The following ADAMTS19 variants were observed in gnomAD, a reference collection of about 807,000 sequenced individuals.
ADAMTS19 encodes the protein ADAM metallopeptidase with thrombospondin type 1 motif 19.
A neutral mutation model predicts 153.3 loss-of-function variants in ADAMTS19; 93 were observed. The observed-to-expected ratio is 0.61, with a 90% CI of 0.51 to 0.72. The LOEUF is 0.72. Ranked by LOEUF, ADAMTS19 falls within the 30% of genes least tolerant of loss-of-function variation. The pLI, the probability that ADAMTS19 is intolerant of heterozygous loss-of-function variation, is 0.00. For synonymous variants in ADAMTS19, 600 were observed against 556.6 expected, an observed-to-expected ratio of 1.08 and a Z score of -1.10; for missense variants, 1,482 against 1,552.1, an observed-to-expected ratio of 0.95 and a Z score of 0.76.
At chr5:129,592,931 C>T (rs1303637839) in intron 7 of ADAMTS19, among the ~76,000 whole-genome samples, 2 of 152,006 alleles carry the variant, frequency 1.3e-5, no homozygotes, top group Non-Finnish European at 2.9e-5. Flanking sequence ...ATGCACTCAT[C>T]GTTTTTGAAT....
chr5:129,675,440 T>C (rs1754510325), intron 16 of ADAMTS19, among the ~76,000 whole-genome samples: 1 of 152,164 alleles, frequency 6.6e-6, no homozygotes, highest in Non-Finnish European at 1.5e-5. Flanking sequence ...TTTTTTAGCC[T>C]ATTTTCTTTT....
chr5:129,473,200 A>AT lies in ADAMTS19; in HGVS notation c.747+11443_747+11444insT, dbSNP rs1312445457. Among the ~76,000 whole-genome samples the AT allele has an allele frequency of 2.9e-4, 44 of 151,906 alleles. No homozygotes were observed. In the South Asian group the frequency reaches 9.2e-3, roughly 32 times the overall value. The stretch of plus-strand genomic sequence containing the variant: ...ACTCATTAAAATAAACAGTAAAAAA[A>AT]AAAAAAATTAACCTGCCAAGAGCAG... On this transcript the variant is annotated intron_variant, in intron 2 of 22. Coordinates refer to ENST00000274487, the MANE Select transcript of ADAMTS19 (RefSeq NM_133638.6).
intron 6 of ADAMTS19, among the ~76,000 whole-genome samples, chr5:129,541,278 T>G (rs1431101827): frequency 6.6e-6 from 1 of 151,890 alleles, no homozygotes; most frequent in East Asian, 1.9e-4. Flanking sequence ...AGTGCATTTG[T>G]CATAGTTTTA....
chr5:129,460,885 C>G (rs1749623767), intron 1 of ADAMTS19, among the ~76,000 whole-genome samples: 1 of 152,044 alleles, frequency 6.6e-6, no homozygotes, highest in South Asian at 2.1e-4. Flanking sequence ...TTCCCCCTCC[C>G]CCGCCCCTAA....
Position 129,600,879 on chromosome 5 carries a change from A to ATTATTC in ADAMTS19, c.1478+4220_1478+4221insCTTATT, listed in dbSNP as rs1233658707. ...AGGAGTTATTATTATTATTATTATTATTATTATTGAGACGGGGTCTCCCTC... is the reference window on the plus strand; with the variant it reads ...AGGAGTTATTATTATTATTATTATTATTATTCTTATTATTGAGACGGGGTCTCCCTC... On this transcript the variant is annotated intron_variant, in intron 8 of 22. Transcript: ENST00000274487. Among the ~76,000 whole-genome samples the ATTATTC allele has an allele frequency of 9.6e-5, 8 of 83,720 alleles. No individual in the cohort carries two copies. The East Asian group carries it at 2.5e-3, about 26-fold the overall frequency. 54.9% of individuals were successfully genotyped at this position (83,720 alleles called of 152,430 possible).
chr5:129,477,595 C>T (rs754788404), intron 2 of ADAMTS19, among the ~76,000 whole-genome samples: 2 of 152,172 alleles, frequency 1.3e-5, no homozygotes, highest in Non-Finnish European at 2.9e-5. Context: ...TGGGGACACC[C>T]TAACACTGCA....
chr5:129,712,982 T>G (rs564755992), intron 21 of ADAMTS19, among the ~76,000 whole-genome samples: 1 of 152,356 alleles, frequency 6.6e-6, no homozygotes, highest in South Asian at 2.1e-4. Context: ...TATTTCCTTC[T>G]TCATAGCTTC....
chr5:129,530,446 T>C (rs373450332), intron 6 of ADAMTS19, among the ~76,000 whole-genome samples: 1 of 152,224 alleles, frequency 6.6e-6, no homozygotes, highest in African/African-American at 2.4e-5. Context: ...CATAAAAATT[T>C]CCATCAGCCA....
intron 7 of ADAMTS19, among the ~76,000 whole-genome samples, chr5:129,584,063 T>A (rs931288332): frequency 5.9e-5 from 9 of 152,130 alleles, no homozygotes; most frequent in African/African-American, 1.9e-4. Flanking sequence ...CTACCTTTGG[T>A]CTTTGATGTT....
At position 129,622,310 on chromosome 5, in the gene ADAMTS19, C is replaced by T. The variant is rs745308211; in HGVS notation, c.1732C>T (p.Leu578Phe). The T allele has an allele frequency of 9.3e-6, 15 of 1,613,912 alleles. No individual in the cohort carries two copies. In the East Asian group the frequency reaches 1.6e-4, roughly 17 times the overall value. ...CACTGCTGATGAACAATGCCAGATC[C>T]TTTTTGGGCCATTGGCTTCTTTTTG... Reference protein sequence around the residue: ...TYTADEQCQILFGPLASFCQE... With the variant: ...TYTADEQCQIFFGPLASFCQE... The change falls in exon 10 of 23, where the codon CTT becomes TTT. Residue 578 changes from leucine to phenylalanine, a missense_variant. Physicochemically the swap from Leu to Phe is conservative, Grantham distance 22. Coordinates refer to ENST00000274487, the MANE Select transcript of ADAMTS19 (RefSeq NM_133638.6).
intron 6 of ADAMTS19, among the ~76,000 whole-genome samples, chr5:129,546,831 A>C (rs1213068748): frequency 6.6e-6 from 1 of 151,176 alleles, no homozygotes; most frequent in East Asian, 1.9e-4. Flanking sequence ...ATTGCTACAT[A>C]AGCCCTGATG....
chr5:129,581,235 G>C (rs933293639), intron 7 of ADAMTS19, among the ~76,000 whole-genome samples: 4 of 151,720 alleles, frequency 2.6e-5, no homozygotes, highest in Non-Finnish European at 1.5e-5. Flanking sequence ...GGTATTTATA[G>C]TATTCTTGGA....
intron 7 of ADAMTS19, among the ~76,000 whole-genome samples, chr5:129,588,791 A>C (rs1749949798): frequency 6.6e-6 from 1 of 151,706 alleles, no homozygotes; most frequent in African/African-American, 2.4e-5. Flanking sequence ...TGTGTTATTT[A>C]TGGCCAGATA....
intron 2 of ADAMTS19, among the ~76,000 whole-genome samples, chr5:129,467,621 T>C (rs1276777266): frequency 6.6e-6 from 1 of 152,198 alleles, no homozygotes; most frequent in Admixed American, 6.5e-5. Flanking sequence ...GAATCAGTAA[T>C]ACTGGGTGCC....
chr5:129,639,943 G>A (rs373708418), intron 10 of ADAMTS19, among the ~76,000 whole-genome samples: 7 of 151,972 alleles, frequency 4.6e-5, no homozygotes, highest in Non-Finnish European at 8.8e-5. Flanking sequence ...AAAAACAATT[G>A]AACTCTTTGC....
At chr5:129,537,054 T>G (rs1752461062) in intron 6 of ADAMTS19, among the ~76,000 whole-genome samples, 1 of 149,168 alleles carries the variant, frequency 6.7e-6, no homozygotes, top group South Asian at 2.1e-4. Flanking sequence ...AAACTTAAAT[T>G]ATAATAATAA....
intron 6 of ADAMTS19, among the ~76,000 whole-genome samples, chr5:129,534,753 G>C (rs149683373): frequency 6.6e-6 from 1 of 152,168 alleles, no homozygotes; most frequent in South Asian, 2.1e-4. Flanking sequence ...TCCCTGAGAT[G>C]CAAGGCTTGT....
At chr5:129,549,247 T>G (rs1402275587) in intron 6 of ADAMTS19, among the ~76,000 whole-genome samples, 3 of 150,522 alleles carry the variant, frequency 2.0e-5, no homozygotes, top group Non-Finnish European at 4.4e-5. Context: ...AAATCATAAA[T>G]AATAGAAATC....
intron 8 of ADAMTS19, among the ~76,000 whole-genome samples, chr5:129,620,273 G>A (rs1751720281): frequency 6.6e-6 from 1 of 152,010 alleles, no homozygotes; most frequent in Admixed American, 6.6e-5. Context: ...CAAGAATCTA[G>A]TGTGGTTAAA....
Sources: gnomAD v4.1 joint callset for allele counts (sites outside exome capture counted in the v4.1 genomes callset) on GRCh38, gnomAD v4.1.1 for gene constraint, MANE v1.5 for transcripts, NCBI Gene and HGNC (gene_info 2026-07-23, HGNC 2026-07-21) for gene names.